Variants in KCND2 observed in about 807,000 individuals in gnomAD.
KCND2 encodes the protein A-type voltage-gated potassium channel KCND2.
KCND2 carries 16 observed loss-of-function variants against 54.4 expected under a neutral mutation model. The observed-to-expected ratio is 0.29, with a 90% confidence interval of 0.20 to 0.45. The LOEUF (loss-of-function observed/expected upper bound fraction) is 0.45. Among genes scored for constraint, KCND2 ranks in the 20% least tolerant of loss-of-function variants. The pLI is 1.00. For missense variants in KCND2, 486 were observed against 824.2 expected (o/e 0.59, Z 5.02); for synonymous variants, 317 against 310.7 (o/e 1.02, Z -0.21).
chr7:120,440,138 C>A (rs1014189155), intron 1 of KCND2, among the ~76,000 whole-genome samples: 1 of 151,906 alleles, frequency 6.6e-6, no homozygotes, highest in Admixed American at 6.6e-5. Flanking sequence ...CCTATTTCTC[C>A]ACGCTCTCAC....
intron 1 of KCND2, among the ~76,000 whole-genome samples, chr7:120,527,593 G>A (rs974286640): frequency 2.0e-5 from 3 of 151,860 alleles, no homozygotes; most frequent in Non-Finnish European, 4.4e-5. Flanking sequence ...CCTGCTGCTC[G>A]TTCATGATTA....
At chr7:120,313,745 T>TTTG (rs1301179551) in intron 1 of KCND2, among the ~76,000 whole-genome samples, 1 of 151,116 alleles carries the variant, frequency 6.6e-6, no homozygotes, top group Non-Finnish European at 1.5e-5. Flanking sequence ...CCTGGGATTT[T>TTTG]TTTTTTTTTT....
intron 1 of KCND2, among the ~76,000 whole-genome samples, chr7:120,279,958 T>C (rs1222620357): frequency 1.3e-5 from 2 of 151,976 alleles, no homozygotes; most frequent in African/African-American, 4.8e-5. Context: ...GAATCATTTA[T>C]GTAGAGACTT....
At chr7:120,303,493 T>G (rs1799612774) in intron 1 of KCND2, among the ~76,000 whole-genome samples, 2 of 152,232 alleles carry the variant, frequency 1.3e-5, no homozygotes. Context: ...TAAAGTATCA[T>G]CTTAAATCAT....
intron 1 of KCND2, among the ~76,000 whole-genome samples, chr7:120,589,108 A>G (rs928111786): frequency 2.6e-5 from 4 of 152,194 alleles, no homozygotes; most frequent in Non-Finnish European, 5.9e-5. Flanking sequence ...CACGTTTATT[A>G]TTTTACAAAG....
rs559028825 is a variant in KCND2 at position 120,469,845 on chromosome 7, T to C, written c.1115+194098T>C. On this transcript the variant is annotated intron_variant, in intron 1 of 5. Coordinates refer to ENST00000331113, the MANE Select transcript of KCND2 (RefSeq NM_012281.3). Reference sequence around the variant, plus strand: ...CTGCATGATACTAGTGTCAGTTTACTCAAATGCAAGACTAAAAAACTATCT... The same window carrying C: ...CTGCATGATACTAGTGTCAGTTTACCCAAATGCAAGACTAAAAAACTATCT... Among the ~76,000 whole-genome samples, 707 of 152,264 alleles carry C rather than the reference T, an allele frequency of 4.6e-3. 7 individuals carry two copies. Among genetic ancestry groups the C allele is most frequent in the African/African-American group, 0.016 (655 of 41,562 alleles).
intron 1 of KCND2, among the ~76,000 whole-genome samples, chr7:120,449,065 C>T (rs541794660): frequency 6.6e-6 from 1 of 152,108 alleles, no homozygotes; most frequent in Non-Finnish European, 1.5e-5. Context: ...CGCGGTGGCT[C>T]ATGCCTGTAA....
intron 1 of KCND2, among the ~76,000 whole-genome samples, chr7:120,512,981 A>C (rs1803142518): frequency 6.6e-6 from 1 of 151,766 alleles, no homozygotes; most frequent in African/African-American, 2.4e-5. Flanking sequence ...TTTTTAGTAG[A>C]GACAGGTTTT....
intron 1 of KCND2, among the ~76,000 whole-genome samples, chr7:120,319,089 A>G (rs1372860489): frequency 2.6e-5 from 4 of 152,066 alleles, no homozygotes; most frequent in East Asian, 1.9e-4. Context: ...GTTTTACTAC[A>G]TGGAAGCATC....
intron 1 of KCND2, among the ~76,000 whole-genome samples, chr7:120,613,968 G>A (rs1261829816): frequency 6.6e-6 from 1 of 151,288 alleles, no homozygotes; most frequent in Non-Finnish European, 1.5e-5. Flanking sequence ...TGTATAAAAC[G>A]ATTTTTAGAT....
chr7:120,516,707 T>A (rs539003358), intron 1 of KCND2, among the ~76,000 whole-genome samples: 1 of 152,270 alleles, frequency 6.6e-6, no homozygotes, highest in African/African-American at 2.4e-5. Context: ...TTCCTGAATT[T>A]AATTTGATAG....
chr7:120,556,921 A>G (rs1792172948), intron 1 of KCND2, among the ~76,000 whole-genome samples: 2 of 152,196 alleles, frequency 1.3e-5, no homozygotes, highest in African/African-American at 4.8e-5. Flanking sequence ...AGATTTTGCA[A>G]TGTTATTCAC....
At chr7:120,451,326 A>C (rs1476739388) in intron 1 of KCND2, among the ~76,000 whole-genome samples, 1 of 152,202 alleles carries the variant, frequency 6.6e-6, no homozygotes, top group Non-Finnish European at 1.5e-5. Context: ...ATATATATTA[A>C]GAATAACTCT....
In KCND2 at chr7:120,273,615, G is replaced by A. The variant is rs1352068560; in HGVS notation, c.-1018G>A. On this transcript the variant is annotated 5_prime_UTR_variant, in exon 1 of 6. Transcript: ENST00000331113. ...AGGGAGGCACGGAGGGATGGGGGAA[G>A]GGAAAGAAGAGCTCGCTTGAGCTTT... 1 of 152,674 alleles carries A rather than the reference G, an allele frequency of 6.5e-6. No individual in the cohort carries two copies. Among genetic ancestry groups the A allele is most frequent in the Non-Finnish European group, 1.5e-5 (1 of 68,240 alleles). 9.5% of individuals were successfully genotyped at this position (152,674 alleles called of 1,614,324 possible).
At chr7:120,326,989 T>A (rs930795272) in intron 1 of KCND2, among the ~76,000 whole-genome samples, 2 of 152,080 alleles carry the variant, frequency 1.3e-5, no homozygotes, top group Non-Finnish European at 2.9e-5. Context: ...AAATATTTAT[T>A]TACAATTGTT....
intron 1 of KCND2, among the ~76,000 whole-genome samples, chr7:120,513,003 C>T (rs181396258): frequency 6.6e-6 from 1 of 151,978 alleles, no homozygotes; most frequent in East Asian, 1.9e-4. Flanking sequence ...GCTATGTTGG[C>T]CAGGCTGGTC....
At chr7:120,614,262 C>T (rs535984634) in intron 1 of KCND2, among the ~76,000 whole-genome samples, 1 of 152,308 alleles carries the variant, frequency 6.6e-6, no homozygotes, top group Admixed American at 6.5e-5. Context: ...AGCCGCCCTC[C>T]TTGGCCTCTC....
chr7:120,383,122 G>A lies in KCND2; in HGVS notation c.1115+107375G>A, dbSNP rs563409533. Among the ~76,000 whole-genome samples the A allele has an allele frequency of 2.6e-5, 4 of 152,110 alleles. No homozygotes were observed. In the South Asian group the frequency reaches 8.3e-4, roughly 31 times the overall value. On this transcript the variant is annotated intron_variant, in intron 1 of 5. Coordinates refer to ENST00000331113, the MANE Select transcript of KCND2 (RefSeq NM_012281.3). ...TCCAAAAGTTTAGATGATACAAATT[G>A]TTCTGAAATTAATTCTGAGTGATAT...
At chr7:120,715,256 T>C (rs1792588892) in intron 1 of KCND2, among the ~76,000 whole-genome samples, 1 of 151,878 alleles carries the variant, frequency 6.6e-6, no homozygotes, top group African/African-American at 2.4e-5. Flanking sequence ...TTAAGATTAA[T>C]TCCGAAAAAA....
Sources: allele counts gnomAD v4.1 joint callset (sites outside exome capture counted in the v4.1 genomes callset), GRCh38; gene constraint gnomAD v4.1.1; transcripts MANE v1.5; gene names NCBI Gene and HGNC (gene_info 2026-07-23, HGNC 2026-07-21).